The following LARGE1 variants were observed in gnomAD, a reference collection of about 807,000 sequenced individuals.
LARGE1 encodes the protein LARGE xylosyl- and glucuronyltransferase 1.
A neutral mutation model predicts 87.6 loss-of-function variants in LARGE1; 43 were observed. The observed-to-expected ratio is 0.49, with a 90% CI of 0.38 to 0.63. The LOEUF (loss-of-function observed/expected upper bound fraction) is 0.63. Ranked by LOEUF, LARGE1 falls within the 30% of genes least tolerant of loss-of-function variation. LARGE1 has a pLI of 0.00. For synonymous variants in LARGE1, 434 were observed against 394.6 expected, an observed-to-expected ratio of 1.10 and a Z score of -1.18; for missense variants, 802 against 1,000.2, an observed-to-expected ratio of 0.80 and a Z score of 2.67.
chr22:33,263,249 T>C (rs1167958217), intron 11 of LARGE1, among the ~76,000 whole-genome samples: 1 of 152,208 alleles, frequency 6.6e-6, no homozygotes, highest in Admixed American at 6.5e-5. Context: ...GTCAGACTTG[T>C]AAGAGGACCT....
At chr22:33,348,289 C>CCCAAA (rs1569081859) in intron 9 of LARGE1, among the ~76,000 whole-genome samples, 19 of 124,050 alleles carry the variant, frequency 1.5e-4, no homozygotes, top group Admixed American at 2.5e-4. Flanking sequence ...CACCCCCCCC[C>CCCAAA]AAAAAAAAAG....
At chr22:33,091,325 C>T in the LARGE1 span, among the ~76,000 whole-genome samples, 2 of 152,204 alleles carry the variant, frequency 1.3e-5, no homozygotes, top group Middle Eastern at 3.4e-3. Flanking sequence ...CTTTGGGAGG[C>T]CGAGGTGGGT....
intron 2 of LARGE1, among the ~76,000 whole-genome samples, chr22:33,756,814 G>A (rs1279394922): frequency 6.6e-6 from 1 of 152,172 alleles, no homozygotes; most frequent in East Asian, 1.9e-4. Context: ...CAAAGGAGGA[G>A]TGGCAGAGCC....
intron 2 of LARGE1, among the ~76,000 whole-genome samples, chr22:33,656,058 A>AGTGTGTGTGT (rs3072285): frequency 3.3e-4 from 50 of 150,478 alleles, no homozygotes; most frequent in Middle Eastern, 3.4e-3. Flanking sequence ...CATAAGCATG[A>AGTGTGTGTGT]GTGTGTGTGT....
intron 3 of LARGE1, among the ~76,000 whole-genome samples, chr22:33,627,882 T>G (rs546616096): frequency 1.2e-4 from 18 of 152,312 alleles, no homozygotes; most frequent in African/African-American, 4.3e-4. Flanking sequence ...TGAGCAGGAC[T>G]CAGAGCCTCA....
chr22:33,656,115 TAC>T (rs1480545020), intron 2 of LARGE1, among the ~76,000 whole-genome samples: 3 of 151,996 alleles, frequency 2.0e-5, no homozygotes, highest in African/African-American at 7.3e-5. Flanking sequence ...ATATCAGGCT[TAC>T]ACAGAGTAGA....
chr22:33,700,923 C>A (rs1019296632), intron 2 of LARGE1, among the ~76,000 whole-genome samples: 1 of 152,102 alleles, frequency 6.6e-6, no homozygotes, highest in Non-Finnish European at 1.5e-5. Context: ...GAGTGGATTT[C>A]CACATCCGTG....
intron 6 of LARGE1, among the ~76,000 whole-genome samples, chr22:33,440,549 T>C (rs1247597635): frequency 6.6e-6 from 1 of 152,192 alleles, no homozygotes; most frequent in Non-Finnish European, 1.5e-5. Flanking sequence ...ACCTCATATT[T>C]ATTCTAATAA....
At chr22:33,474,516 A>G (rs1256724332) in intron 6 of LARGE1, among the ~76,000 whole-genome samples, 1 of 152,144 alleles carries the variant, frequency 6.6e-6, no homozygotes, top group African/African-American at 2.4e-5. Context: ...CTTGGTGACA[A>G]TGGTAGAGAC....
At chr22:33,259,123 C>T (rs1413337881) in intron 11 of LARGE1, among the ~76,000 whole-genome samples, 1 of 152,108 alleles carries the variant, frequency 6.6e-6, no homozygotes. Context: ...TGTGATTTGC[C>T]CGCCTTGGCC....
chr22:33,842,138 CTG>C (rs1693748508), intron 1 of LARGE1, among the ~76,000 whole-genome samples: 1 of 152,182 alleles, frequency 6.6e-6, no homozygotes. Flanking sequence ...AGTCAGAACA[CTG>C]TACTCAAAAG....
chr22:33,752,683 T>C (rs1316577004), intron 2 of LARGE1, among the ~76,000 whole-genome samples: 5 of 152,166 alleles, frequency 3.3e-5, no homozygotes, highest in Non-Finnish European at 7.3e-5. Flanking sequence ...GAAAAGTGCA[T>C]GGCACACCAT....
rs143885453 is a variant in LARGE1 at position 33,601,738 on chromosome 22, C to T, written c.615+2697G>A. 1.2e-4 allele frequency among the ~76,000 whole-genome samples: 19 copies of T among 152,202 alleles called. No homozygotes were observed. The East Asian group carries it at 2.9e-3, about 23-fold the overall frequency. The stretch of plus-strand genomic sequence containing the variant: ...TGATGAAGTCTTCGATAGTAGACAT[C>T]GGGTTAGAGGACAGGACTCTAGAGA... On this transcript the variant is annotated intron_variant, in intron 5 of 14. Transcript: ENST00000397394.
intron 6 of LARGE1, among the ~76,000 whole-genome samples, chr22:33,495,562 T>C (rs751436998): frequency 6.6e-5 from 10 of 151,704 alleles, no homozygotes; most frequent in African/African-American, 2.4e-4. Context: ...CTACTAAAAA[T>C]ACAAAAATTA....
At chr22:33,436,427 ACTAT>A (rs1165261679) in intron 6 of LARGE1, among the ~76,000 whole-genome samples, 3 of 152,190 alleles carry the variant, frequency 2.0e-5, no homozygotes, top group African/African-American at 7.2e-5. Context: ...TGGTCTGAGG[ACTAT>A]CTGTTTCAGA....
At chr22:33,641,200 C>T (rs1246875518) in intron 3 of LARGE1, among the ~76,000 whole-genome samples, 1 of 152,174 alleles carries the variant, frequency 6.6e-6, no homozygotes, top group South Asian at 2.1e-4. Context: ...GAGGAAGGAG[C>T]AGGCAGCAAT....
chr22:33,260,893 C>G (rs1483984890), intron 11 of LARGE1, among the ~76,000 whole-genome samples: 1 of 152,188 alleles, frequency 6.6e-6, no homozygotes, highest in African/African-American at 2.4e-5. Flanking sequence ...CCTGGCTGCT[C>G]TCTCTTGCTG....
rs1423722462 is a variant in LARGE1, at chr22:33,510,207, G to T, written c.787+54641C>A. 3.3e-5 allele frequency among the ~76,000 whole-genome samples: 5 copies of T among 152,312 alleles called. 1 individual carries two copies. The South Asian group carries it at 1.0e-3, about 32-fold the overall frequency. ...ACCATGCACGAAGCAGTCTAAACAT[G>T]CAAGTCTTAATCCCTGCAGCCACCT... On this transcript the variant is annotated intron_variant, in intron 6 of 14. Transcript: ENST00000397394.
chr22:33,245,293 ACT>A (rs1926704315), intron 11 of LARGE1, among the ~76,000 whole-genome samples: 2 of 151,784 alleles, frequency 1.3e-5, no homozygotes. Flanking sequence ...TTGGAGAATG[ACT>A]CTCTCGTGGA....
Sources: allele counts gnomAD v4.1 joint callset (sites outside exome capture counted in the v4.1 genomes callset), GRCh38; gene constraint gnomAD v4.1.1; transcripts MANE v1.5; gene names NCBI Gene and HGNC (gene_info 2026-07-23, HGNC 2026-07-21).